Variants in HACD2 observed in about 807,000 individuals in gnomAD.
The protein encoded by HACD2 is 3-hydroxyacyl-CoA dehydratase 2, also known as very-long-chain (3R)-3-hydroxyacyl-CoA dehydratase 2.
Under a neutral mutation model 31.0 loss-of-function variants are expected in HACD2, and 15 were observed. The ratio of observed to expected loss-of-function variants is 0.48; its 90% confidence interval spans 0.32 to 0.75. The LOEUF is 0.75. Among genes scored for constraint, HACD2 ranks in the 30% least tolerant of loss-of-function variants. The probability of loss-of-function intolerance (pLI) is 0.03; values close to 1 mark genes in which losing one functional copy is unlikely to be tolerated. For missense variants in HACD2, 283 were observed against 313.0 expected (o/e 0.90, Z 0.72); for synonymous variants, 115 against 122.2 (o/e 0.94, Z 0.39).
rs930487561 is a variant in HACD2 at position 123,524,661 on chromosome 3, C to T, written c.381+3725G>A. On this transcript the variant is annotated intron_variant, in intron 4 of 6. Coordinates refer to ENST00000383657, the MANE Select transcript of HACD2 (RefSeq NM_198402.5). ...ACAAAAGTTAAAAACATTATGTTTA[C>T]GTCAGGTTTTCTTGTTTTTTGTTTT... Among the ~76,000 whole-genome samples, 5 of 152,204 alleles carry T rather than the reference C, an allele frequency of 3.3e-5. No homozygotes were observed. The South Asian group carries it at 8.3e-4, about 25-fold the overall frequency.
chr3:123,527,189 G>A (rs2056295182), intron 4 of HACD2, among the ~76,000 whole-genome samples: 1 of 152,088 alleles, frequency 6.6e-6, no homozygotes, highest in Non-Finnish European at 1.5e-5. Context: ...ATTATGAGTT[G>A]TTGGTTAAAA....
rs2057011709 is a variant in HACD2, at chr3:123,584,904, G to A, written c.124C>T (p.Leu42=). 1 of 1,526,546 alleles carries A rather than the reference G, an allele frequency of 6.6e-7. No individual in the cohort carries two copies. Among genetic ancestry groups the A allele is most frequent in the Non-Finnish European group, 8.8e-7 (1 of 1,136,824 alleles). The allele number at this position is 1,526,546 out of a possible 1,614,324, so 94.6% of individuals were successfully genotyped here. A position where few individuals can be genotyped will look rare whatever the true frequency, so the allele number is the denominator to read the frequency against. The change falls in exon 1 of 7, where the codon CTG becomes TTG. Residue 42 remains leucine, a synonymous_variant. Coordinates refer to ENST00000383657, the MANE Select transcript of HACD2 (RefSeq NM_198402.5). ...GTCATCACCACATTGTAGATGACCA[G>A]GTACGCCGTGGCCAGGGGCCCCGGG... The part of the protein sequence containing the change: ...KGPGPLATAY[L]VIYNVVMTAG...
intron 3 of HACD2, among the ~76,000 whole-genome samples, chr3:123,555,865 T>C (rs763119454): frequency 6.6e-6 from 1 of 152,070 alleles, no homozygotes; most frequent in Non-Finnish European, 1.5e-5. Context: ...AATAAACATA[T>C]ACATCAATAG....
intron 3 of HACD2, among the ~76,000 whole-genome samples, chr3:123,565,435 T>C (rs1576233189): frequency 6.6e-6 from 1 of 152,016 alleles, no homozygotes; most frequent in Non-Finnish European, 1.5e-5. Flanking sequence ...AGTGCCCTTA[T>C]AAAAGGCCCA....
At chr3:123,560,193 T>G (rs1314784405) in intron 3 of HACD2, among the ~76,000 whole-genome samples, 2 of 152,118 alleles carry the variant, frequency 1.3e-5, no homozygotes, top group African/African-American at 4.8e-5. Flanking sequence ...CAGGGAACAT[T>G]TGATCAGGAG....
At chr3:123,509,499 CTTCTTT>C (rs2056023264) in intron 4 of HACD2, among the ~76,000 whole-genome samples, 1 of 32,820 alleles carries the variant, frequency 3.0e-5, no homozygotes, top group Non-Finnish European at 9.5e-5. Flanking sequence ...CTTCCTGTGA[CTTCTTT>C]TTTTTTTTTT....
intron 2 of HACD2, among the ~76,000 whole-genome samples, chr3:123,581,023 T>A (rs1321169775): frequency 2.0e-5 from 3 of 152,034 alleles, no homozygotes; most frequent in Admixed American, 6.5e-5. Context: ...GGTTTCACTG[T>A]GTTAGCCAGG....
Position 123,582,225 on chromosome 3 carries a change from C to G in HACD2, c.260G>C (p.Gly87Ala). The G allele has an allele frequency of 6.3e-7, 1 of 1,586,994 alleles. No individual in the cohort carries two copies. The highest frequency in any genetic ancestry group is 1.2e-5 in the South Asian group (1 of 86,526). Residue 87 changes from glycine (G) to alanine (A), a missense_variant, in exon 2 of 7, where the codon GGA becomes GCA. Physicochemically the swap from Gly to Ala is moderately conservative, Grantham distance 60. Transcript: ENST00000383657. Reference sequence around the variant, plus strand: ...CTCAGGACCTACCTCCAATAAGGCTCCAGTTTGAAAGAATTTCAAAGGCTT... The same window carrying G: ...CTCAGGACCTACCTCCAATAAGGCTGCAGTTTGAAAGAATTTCAAAGGCTT... ...IEKPLKFFQT[G>A]ALLEILHCAI...
At chr3:123,581,507 G>A (rs1172078789) in intron 2 of HACD2, among the ~76,000 whole-genome samples, 2 of 152,168 alleles carry the variant, frequency 1.3e-5, no homozygotes, top group Non-Finnish European at 2.9e-5. Context: ...ACCATGTGGA[G>A]AGCCCAAGAC....
chr3:123,524,092 G>C (rs1204469783), intron 4 of HACD2, among the ~76,000 whole-genome samples: 1 of 152,178 alleles, frequency 6.6e-6, no homozygotes, highest in Non-Finnish European at 1.5e-5. Flanking sequence ...AGTTAGAAAA[G>C]AGATGCTGAG....
chr3:123,504,503 G>A (rs78826178), intron 4 of HACD2, among the ~76,000 whole-genome samples: 3,747 of 151,602 alleles, frequency 0.025, 151 homozygotes, highest in African/African-American at 0.082. Context: ...GATAGTTTCC[G>A]TGTAGTCTTA....
chr3:123,510,649 C>T (rs1479711638), intron 4 of HACD2, among the ~76,000 whole-genome samples: 1 of 152,176 alleles, frequency 6.6e-6, no homozygotes, highest in Non-Finnish European at 1.5e-5. Context: ...TACGTATATA[C>T]TACATTTTAT....
chr3:123,545,151 T>G (rs144873065), intron 3 of HACD2, among the ~76,000 whole-genome samples: 1 of 151,574 alleles, frequency 6.6e-6, no homozygotes, highest in African/African-American at 2.4e-5. Flanking sequence ...TTTTTTTTTT[T>G]TTTTAAACAA....
In HACD2 at chr3:123,571,819, T is replaced by C. The variant is rs549526277; in HGVS notation, c.274-4039A>G. Among the ~76,000 whole-genome samples the C allele has an allele frequency of 5.3e-5, 8 of 152,338 alleles. No homozygotes were observed. The South Asian group carries it at 1.2e-3, about 24-fold the overall frequency. On this transcript the variant is annotated intron_variant, in intron 2 of 6. Coordinates refer to ENST00000383657, the MANE Select transcript of HACD2 (RefSeq NM_198402.5). Reference sequence around the variant, plus strand: ...CTGCTAGGTTTGTGGTATTTTTGTTTTACAGCAACAAAAACTAAGACCACA... The same window carrying C: ...CTGCTAGGTTTGTGGTATTTTTGTTCTACAGCAACAAAAACTAAGACCACA...
intron 3 of HACD2, among the ~76,000 whole-genome samples, chr3:123,567,268 TCTG>T: frequency 6.6e-6 from 1 of 152,250 alleles, no homozygotes; most frequent in Non-Finnish European, 1.5e-5. Flanking sequence ...ACATATTGTA[TCTG>T]CTTTTAGTAG....
chr3:123,526,074 C>T (rs1174904976), intron 4 of HACD2, among the ~76,000 whole-genome samples: 1 of 151,572 alleles, frequency 6.6e-6, no homozygotes, highest in Non-Finnish European at 1.5e-5. Context: ...GCCACAGCAA[C>T]AGCCTTTTCA....
rs182869026 is a variant in HACD2 at position 123,575,858 on chromosome 3, G to A, written c.273+6354C>T. On this transcript the variant is annotated intron_variant, in intron 2 of 6. Transcript: ENST00000383657. ...ACTCAGGAAGGGAAGAAATTTTTTTGTTGTGGAACACCATAAACTCTCACT... is the reference window on the plus strand; with the variant it reads ...ACTCAGGAAGGGAAGAAATTTTTTTATTGTGGAACACCATAAACTCTCACT... Among the ~76,000 whole-genome samples the A allele has an allele frequency of 2.0e-4, 31 of 152,074 alleles. 1 individual carries two copies. In the East Asian group the frequency reaches 5.8e-3, roughly 28 times the overall value.
In HACD2 at chr3:123,584,943, G is replaced by C. The variant is rs751244609; in HGVS notation, c.85C>G (p.Arg29Gly). Residue 29 changes from arginine (R) to glycine (G), a missense_variant, in exon 1 of 7, where the codon CGG becomes GGG. Physicochemically the swap from Arg to Gly is moderately radical, Grantham distance 125. Coordinates refer to ENST00000383657, the MANE Select transcript of HACD2 (RefSeq NM_198402.5). The stretch of plus-strand genomic sequence containing the variant: ...AGGGGCCCCGGGCCCTTCTTCTTCC[G>C]CGTGCCGCTGGCGTCCCCGGCCCCG... ...RAGAGDASGTRKKKGPGPLAT... is the reference protein window; with the variant it reads ...RAGAGDASGTGKKKGPGPLAT... 2 of 1,528,572 alleles carry C rather than the reference G, an allele frequency of 1.3e-6. No homozygotes were observed. The highest frequency in any genetic ancestry group is 2.0e-5 in the Admixed American group (1 of 49,366). The allele number at this position is 1,528,572 out of a possible 1,614,324, so 94.7% of individuals were successfully genotyped here. A position where few individuals can be genotyped will look rare whatever the true frequency, so the allele number is the denominator to read the frequency against.
rs1467698772 is a variant in HACD2, at chr3:123,528,430, A to G, written c.337T>C (p.Ser113Pro). The G allele has an allele frequency of 1.9e-6, 3 of 1,613,332 alleles. No individual in the cohort carries two copies. The highest frequency in any genetic ancestry group is 1.1e-5 in the South Asian group (1 of 91,060). The part of the protein sequence containing the change: ...SVVLTSFQVM[S>P]RVFLIWAVTH... ...ACTGCCCATATTAGAAAAACTCTTG[A>G]CATCACCTGGAAAGAAGTCAGGACA... The change falls in exon 4 of 7, where the codon TCA becomes CCA. Residue 113 changes from serine (S) to proline (P), a missense_variant. Around this residue, in one of 3 missense-constraint regions of HACD2, gnomAD observed 158 missense variants for 148.3 expected, o/e 1.07. Transcript: ENST00000383657.
Sources: allele counts gnomAD v4.1 joint callset (sites outside exome capture counted in the v4.1 genomes callset), GRCh38; gene constraint gnomAD v4.1.1; regional missense constraint gnomAD v4.1.1; transcripts MANE v1.5; gene names NCBI Gene and HGNC (gene_info 2026-07-23, HGNC 2026-07-21).